Variants in TTF2 observed in about 807,000 individuals in gnomAD.
TTF2 encodes RNA polymerase II termination factor.
Under a neutral mutation model 142.4 loss-of-function variants are expected in TTF2, and 108 were observed. The observed-to-expected ratio is 0.76, with a 90% CI of 0.65 to 0.89. The LOEUF is 0.89. Among genes scored for constraint, TTF2 ranks in the 40% least tolerant of loss-of-function variants. TTF2 has a pLI of 0.00. For synonymous variants in TTF2, 483 were observed against 506.2 expected, an observed-to-expected ratio of 0.95 and a Z score of 0.61; for missense variants, 1,327 against 1,379.8, an observed-to-expected ratio of 0.96 and a Z score of 0.61.
chr1:117,067,641 A>C (rs1390564016), intron 3 of TTF2, among the ~76,000 whole-genome samples: 1 of 152,176 alleles, frequency 6.6e-6, no homozygotes, highest in African/African-American at 2.4e-5. Context: ...TCTGATAGGT[A>C]GCATAGACTG....
chr1:117,071,775 G>A (rs1185783744), intron 3 of TTF2, among the ~76,000 whole-genome samples: 1 of 152,166 alleles, frequency 6.6e-6, no homozygotes, highest in Non-Finnish European at 1.5e-5. Flanking sequence ...AAGAGATCAT[G>A]TATGGTTTTT....
intron 3 of TTF2, among the ~76,000 whole-genome samples, chr1:117,069,484 A>T (rs538720192): frequency 2.0e-3 from 303 of 152,336 alleles, no homozygotes; most frequent in Non-Finnish European, 3.4e-3. Context: ...AGAAGTGTGG[A>T]TGTAGGAATA....
intron 18 of TTF2, 26 bp from the exon 19 acceptor site, chr1:117,095,283 A>G (rs761941329): frequency 1.2e-6 from 2 of 1,612,834 alleles, no homozygotes; most frequent in Non-Finnish European, 1.7e-6. Context: ...GCTTAAACAT[A>G]CAATGTTGAT....
chr1:117,079,509 G>C lies in TTF2; in HGVS notation c.1702-59G>C, dbSNP rs1314441172. 6.5e-7 allele frequency: 1 copy of C among 1,529,684 alleles called. No individual in the cohort carries two copies. The highest frequency in any genetic ancestry group is 9.1e-7 in the Non-Finnish European group (1 of 1,103,464). The allele number at this position is 1,529,684 out of a possible 1,614,324, so 94.8% of individuals were successfully genotyped here. On this transcript the variant is annotated intron_variant, in intron 8 of 22. Transcript: ENST00000369466. This position sits in a 1 kb window ranked among gnomAD's most constrained non-coding sequence, Gnocchi z 4.2. ...GAGAGTGTAGAGTTCGTGTAGCCAG[G>C]CTCGGCATAGCCTCTCATTAGGAAT...
Position 117,092,785 on chromosome 1 carries a change from C to G in TTF2, c.2860C>G (p.Gln954Glu). 6.2e-7 allele frequency: 1 copy of G among 1,614,206 alleles called. No individual in the cohort carries two copies. The highest frequency in any genetic ancestry group is 8.5e-7 in the Non-Finnish European group (1 of 1,180,042). The change falls in exon 18 of 23, where the codon CAG (glutamine) becomes GAG (glutamate). Residue 954 changes from glutamine (Q) to glutamate (E), a missense_variant. Physicochemically the swap from Gln to Glu is conservative, Grantham distance 29. Coordinates refer to ENST00000369466, the MANE Select transcript of TTF2 (RefSeq NM_003594.4). The surrounding 1 kb of genome is among the most constrained non-coding windows in gnomAD (Gnocchi z 4.4). ...AGGTCTTGTCCTTTCCCTGGAAGAACAGCTCAGTGCTTTGACCTTGTCAGA... is the reference window on the plus strand; with the variant it reads ...AGGTCTTGTCCTTTCCCTGGAAGAAGAGCTCAGTGCTTTGACCTTGTCAGA... ...GEGLVLSLEE[Q>E]LSALTLSELR... is the part of the protein sequence containing the mutation.
Position 117,079,649 on chromosome 1 carries a change from G to C in TTF2, c.1783G>C (p.Ala595Pro). ...ESQKPQGGIL[A>P]DDMGLGKTLT... The stretch of plus-strand genomic sequence containing the variant: ...TCAGAAGCCACAAGGAGGAATTCTG[G>C]GTAAGTGTGGTATTATAAGAGTCAG... Residue 595 changes from alanine (A) to proline (P), a missense_variant and splice_region_variant, in exon 9 of 23, where the codon GCA becomes CCA. By Grantham distance (27) the Ala-to-Pro change is conservative. Coordinates refer to ENST00000369466, the MANE Select transcript of TTF2 (RefSeq NM_003594.4). The surrounding 1 kb of genome is among the most constrained non-coding windows in gnomAD (Gnocchi z 4.2). 1.2e-6 allele frequency: 2 copies of C among 1,614,000 alleles called. No individual in the cohort carries two copies. The highest frequency in any genetic ancestry group is 1.7e-6 in the Non-Finnish European group (2 of 1,179,860).
chr1:117,075,950 T>C lies in TTF2; in HGVS notation c.1275+91T>C, dbSNP rs913254385. 10 of 1,493,370 alleles carry C rather than the reference T, an allele frequency of 6.7e-6. No homozygotes were observed. In the African/African-American group the frequency reaches 1.4e-4, roughly 21 times the overall value. The allele number at this position is 1,493,370 out of a possible 1,614,324, so 92.5% of individuals were successfully genotyped here. On this transcript the variant is annotated intron_variant, in intron 5 of 22. Coordinates refer to ENST00000369466, the MANE Select transcript of TTF2 (RefSeq NM_003594.4). The surrounding 1 kb of genome is among the most constrained non-coding windows in gnomAD (Gnocchi z 4.5). The stretch of plus-strand genomic sequence containing the variant: ...CTCATTGCTACAGAAGGGTTAAATA[T>C]GTTCATGTGAAGGTTTTATAGGTGC...
chr1:117,062,507 G>GT, intron 3 of TTF2, 34 bp downstream of exon 3: 2 of 1,473,322 alleles, frequency 1.4e-6, no homozygotes, highest in Admixed American at 4.5e-5. Flanking sequence ...AAGTGTATTT[G>GT]CTTTTTTTTT....
chr1:117,078,341 A>G (rs1657189026), intron 8 of TTF2, among the ~76,000 whole-genome samples: 2 of 152,192 alleles, frequency 1.3e-5, no homozygotes, highest in Admixed American at 6.5e-5. Context: ...TGGGGTGAAA[A>G]TACATATACA....
chr1:117,093,062 C>T lies in TTF2; in HGVS notation c.2976+161C>T, dbSNP rs1648751505. Among the ~76,000 whole-genome samples, 1 of 152,182 alleles carries T rather than the reference C, an allele frequency of 6.6e-6. No individual in the cohort carries two copies. The highest frequency in any genetic ancestry group is 2.4e-5 in the African/African-American group (1 of 41,444). On this transcript the variant is annotated intron_variant, in intron 18 of 22. Transcript: ENST00000369466. This position sits in a 1 kb window ranked among gnomAD's most constrained non-coding sequence, Gnocchi z 4.5. ...GATTCTCCCTCCAGTCTTAAAGCTT[C>T]ATTTATTTCACAGATAACACTAAAG...
chr1:117,077,931 A>G lies in TTF2; in HGVS notation c.1589A>G (p.Asp530Gly), dbSNP rs201302365. The G allele has an allele frequency of 6.8e-6, 11 of 1,614,066 alleles. No homozygotes were observed. The highest frequency in any genetic ancestry group is 9.3e-6 in the Non-Finnish European group (11 of 1,180,028). The change falls in exon 8 of 23, where the codon GAT (aspartate) becomes GGT (glycine). Residue 530 changes from aspartate to glycine, a missense_variant. Physicochemically the swap from Asp to Gly is moderately conservative, Grantham distance 94 (BLOSUM62 -1). Transcript: ENST00000369466. ...SQCYRGHTNQ[D>G]HVHAVWKITS... ...TTGTATGCAGGCCATACAAACCAAG[A>G]TCACGTTCATGCAGTGTGGAAAATC...
chr1:117,062,594 GTA>G, intron 3 of TTF2, 121 bp downstream of exon 3: 1 of 838,244 alleles, frequency 1.2e-6, no homozygotes, highest in Non-Finnish European at 1.8e-6. Context: ...AACAAAATTT[GTA>G]TATGTATTAA....
intron 10 of TTF2, 161 bp downstream of exon 10, chr1:117,082,108 A>C (rs1647569337): frequency 1.8e-6 from 2 of 1,085,762 alleles, no homozygotes; most frequent in Non-Finnish European, 2.7e-6. Context: ...TCTGATGCTG[A>C]GTATGCTAAT....
chr1:117,072,465 G>A (rs1273971986), intron 3 of TTF2, among the ~76,000 whole-genome samples: 8 of 127,186 alleles, frequency 6.3e-5, no homozygotes, highest in East Asian at 4.6e-4. Context: ...TCACTGTGTC[G>A]CCAGGCTGGA....
rs771079529 is a variant in TTF2, at chr1:117,097,357, C to G, written c.3193C>G (p.Leu1065Val). Residue 1065 changes from leucine (L) to valine (V), a missense_variant, in exon 21 of 23, where the codon CTA (leucine) becomes GTA (valine). Leu to Val is a conservative substitution (Grantham distance 32). Transcript: ENST00000369466. This position sits in a 1 kb window ranked among gnomAD's most constrained non-coding sequence, Gnocchi z 4.1. ...FNHSRGPQVM[L>V]ISLLAGGVGL... ...GTTGTGTTTCCTTTTGAAGGTAATG[C>G]TAATCTCTCTCTTGGCCGGAGGTGT... 6.2e-7 allele frequency: 1 copy of G among 1,613,974 alleles called. No individual in the cohort carries two copies.
In TTF2 at chr1:117,070,650, C is replaced by T. The variant is rs1656501642; in HGVS notation, c.219-3011C>T. 6.6e-6 allele frequency among the ~76,000 whole-genome samples: 1 copy of T among 152,206 alleles called. No homozygotes were observed. Among genetic ancestry groups the T allele is most frequent in the Non-Finnish European group, 1.5e-5 (1 of 68,034 alleles). ...TAGCACCCACTGATGGCAGCTGTTA[C>T]TTTGAATTTTATGCATTCAAAGCAT... On this transcript the variant is annotated intron_variant, in intron 3 of 22. Transcript: ENST00000369466. This position sits in a 1 kb window ranked among gnomAD's most constrained non-coding sequence, Gnocchi z 4.2.
chr1:117,066,449 T>A (rs1656136994), intron 3 of TTF2, among the ~76,000 whole-genome samples: 1 of 152,166 alleles, frequency 6.6e-6, no homozygotes, highest in Non-Finnish European at 1.5e-5. Flanking sequence ...TGTTCCTTCC[T>A]CCATTTTTTC....
At chr1:117,094,825 G>T in intron 18 of TTF2, 1 of 361,444 alleles carries the variant, frequency 2.8e-6, no homozygotes, top group South Asian at 2.1e-5. Context: ...AACAAAAGGT[G>T]CTATGATAGT....
chr1:117,062,789 A>G (rs973886324), intron 3 of TTF2, among the ~76,000 whole-genome samples: 1 of 152,190 alleles, frequency 6.6e-6, no homozygotes, highest in Admixed American at 6.6e-5. Flanking sequence ...AATTCTGGTA[A>G]TAGAACAAGG....
Sources: allele counts gnomAD v4.1 joint callset (sites outside exome capture counted in the v4.1 genomes callset), GRCh38; gene constraint gnomAD v4.1.1; non-coding constraint Gnocchi (gnomAD v3.1); transcripts MANE v1.5; gene names NCBI Gene and HGNC (gene_info 2026-07-23, HGNC 2026-07-21).